The following KIAA1958 variants were observed in gnomAD, a reference collection of about 807,000 sequenced individuals.
KIAA1958 encodes the protein KIAA1958.
A neutral mutation model predicts 47.2 loss-of-function variants in KIAA1958; 14 were observed. The ratio of observed to expected loss-of-function variants is 0.30; its 90% CI spans 0.20 to 0.46. KIAA1958 has a LOEUF of 0.46. Ranked by LOEUF, KIAA1958 falls within the 20% of genes least tolerant of loss-of-function variation. The pLI, the probability that KIAA1958 is intolerant of heterozygous loss-of-function variation, is 1.00. For missense variants in KIAA1958, 803 were observed against 909.2 expected, an observed-to-expected ratio of 0.88 and a Z score of 1.50; for synonymous variants, 354 against 353.3, an observed-to-expected ratio of 1.00 and a Z score of -0.02.
chr9:112,554,305 C>G lies in KIAA1958; in HGVS notation c.-24-19752C>G, dbSNP rs966138284. Reference sequence around the variant, plus strand: ...ACGAGGTCAGGAGTTTGAGACCAGCCTGACTAACATGGTGAAACCCCATCT... The same window carrying G: ...ACGAGGTCAGGAGTTTGAGACCAGCGTGACTAACATGGTGAAACCCCATCT... On this transcript the variant is annotated intron_variant, in intron 1 of 3. Coordinates refer to ENST00000337530, the MANE Select transcript of KIAA1958 (RefSeq NM_133465.4). Among the ~76,000 whole-genome samples the G allele has an allele frequency of 4.6e-5, 7 of 152,178 alleles. No individual in the cohort carries two copies. The East Asian group carries it at 1.2e-3, about 25-fold the overall frequency.
At chr9:112,548,578 TGTTAC>T (rs1588012994) in intron 1 of KIAA1958, among the ~76,000 whole-genome samples, 1 of 152,188 alleles carries the variant, frequency 6.6e-6, no homozygotes, top group East Asian at 1.9e-4. Flanking sequence ...GCTATATTGT[TGTTAC>T]TTGTTTTGTT....
At chr9:112,656,283 A>C (rs1588055978) in intron 3 of KIAA1958, among the ~76,000 whole-genome samples, 1 of 146,346 alleles carries the variant, frequency 6.8e-6, no homozygotes, top group South Asian at 2.2e-4. Flanking sequence ...CTGAGGCAGG[A>C]GAATCACTTG....
chr9:112,645,564 T>C (rs1363804150), intron 2 of KIAA1958, 86 bp from the exon 3 acceptor site: 4 of 874,386 alleles, frequency 4.6e-6, no homozygotes, highest in Middle Eastern at 3.6e-4. Flanking sequence ...CTTTTAGAGT[T>C]TTCTGTTATT....
At chr9:112,581,114 AT>A (rs1310456025) in intron 2 of KIAA1958, among the ~76,000 whole-genome samples, 1 of 152,048 alleles carries the variant, frequency 6.6e-6, no homozygotes, top group Admixed American at 6.6e-5. Context: ...ATTTGAGTTT[AT>A]TCCTTACTCT....
chr9:112,545,723 C>T (rs2132829622), intron 1 of KIAA1958, among the ~76,000 whole-genome samples: 1 of 151,308 alleles, frequency 6.6e-6, no homozygotes, highest in African/African-American at 2.4e-5. Flanking sequence ...GTCTGGTTAG[C>T]ACTTTTGTTG....
chr9:112,637,978 G>A (rs1025804671), intron 2 of KIAA1958, among the ~76,000 whole-genome samples: 24 of 152,102 alleles, frequency 1.6e-4, no homozygotes, highest in Non-Finnish European at 1.5e-4. Flanking sequence ...GCGAAACCTC[G>A]TCTCTAATAA....
intron 1 of KIAA1958, among the ~76,000 whole-genome samples, chr9:112,543,994 G>A (rs921244430): frequency 2.6e-4 from 39 of 152,044 alleles, no homozygotes; most frequent in African/African-American, 8.9e-4. Context: ...CCTTTTATTT[G>A]TATTGCTATT....
At chr9:112,534,944 A>T (rs1834825870) in intron 1 of KIAA1958, among the ~76,000 whole-genome samples, 1 of 152,162 alleles carries the variant, frequency 6.6e-6, no homozygotes, top group Non-Finnish European at 1.5e-5. Flanking sequence ...TATTTTGTTT[A>T]TGTCTCTTGA....
intron 1 of KIAA1958, among the ~76,000 whole-genome samples, chr9:112,530,144 A>T (rs72762290): frequency 0.013 from 1,912 of 152,292 alleles, 21 homozygotes; most frequent in Middle Eastern, 0.034. Flanking sequence ...CATCCGGCCT[A>T]GACTCCACTT....
rs1488027603 is a variant in KIAA1958 at position 112,664,309 on chromosome 9, A to C, written c.*4240A>C. ...ATCATTTTTCTCAGTTTAGGCTAAC[A>C]CAGTCCACACCATTACCACTTAAAT... On this transcript the variant is annotated 3_prime_UTR_variant, in exon 4 of 4. Transcript: ENST00000337530. 1 of 152,278 alleles carries C rather than the reference A, an allele frequency of 6.6e-6. No homozygotes were observed. The highest frequency in any genetic ancestry group is 1.9e-4 in the East Asian group (1 of 5,206). 9.4% of individuals were successfully genotyped at this position (152,278 alleles called of 1,614,324 possible).
intron 1 of KIAA1958, among the ~76,000 whole-genome samples, chr9:112,537,179 C>T (rs1834869462): frequency 6.6e-6 from 1 of 151,766 alleles, no homozygotes; most frequent in Non-Finnish European, 1.5e-5. Context: ...AATCTTGGCT[C>T]CCTGGAACCT....
At chr9:112,617,170 A>T (rs889704698) in intron 2 of KIAA1958, among the ~76,000 whole-genome samples, 11 of 152,224 alleles carry the variant, frequency 7.2e-5, no homozygotes, top group African/African-American at 2.7e-4. Flanking sequence ...TTACATCTTG[A>T]CTATAATAGC....
intron 1 of KIAA1958, among the ~76,000 whole-genome samples, chr9:112,534,787 G>A (rs7025194): frequency 0.95 from 145,208 of 152,130 alleles, 69,374 homozygotes; most frequent in African/African-American, 0.99. Flanking sequence ...CAGGTGATCT[G>A]CCCGCCTCGG....
chr9:112,636,828 CA>C (rs1836813382), intron 2 of KIAA1958, among the ~76,000 whole-genome samples: 1 of 152,050 alleles, frequency 6.6e-6, no homozygotes, highest in African/African-American at 2.4e-5. Context: ...CCCAGCCTGA[CA>C]ACATTTATCT....
chr9:112,606,150 G>A (rs143797314), intron 2 of KIAA1958, among the ~76,000 whole-genome samples: 156 of 152,290 alleles, frequency 1.0e-3, no homozygotes, highest in Non-Finnish European at 1.9e-3. Context: ...AGGTATCAAG[G>A]ATGGTGTGCA....
intron 1 of KIAA1958, among the ~76,000 whole-genome samples, chr9:112,525,714 C>G (rs1395547142): frequency 6.6e-6 from 1 of 151,970 alleles, no homozygotes; most frequent in Non-Finnish European, 1.5e-5. Context: ...CATAATTTTA[C>G]TTTCTCTGAA....
intron 1 of KIAA1958, among the ~76,000 whole-genome samples, chr9:112,507,782 C>A (rs1834256683): frequency 6.6e-6 from 1 of 151,782 alleles, no homozygotes; most frequent in African/African-American, 2.4e-5. Flanking sequence ...TTCTTTCTTT[C>A]TTTCTTTTTC....
chr9:112,577,695 ATGAGGCAC>A (rs1196360551), intron 2 of KIAA1958, among the ~76,000 whole-genome samples: 1 of 151,788 alleles, frequency 6.6e-6, no homozygotes, highest in Non-Finnish European at 1.5e-5. Context: ...TGGATAGTAA[ATGAGGCAC>A]TGAGGCGCTT....
At position 112,487,228 on chromosome 9, in the gene KIAA1958, C is replaced by T. The variant is rs190321439; in HGVS notation, c.-25+110C>T. On this transcript the variant is annotated intron_variant, in intron 1 of 3. Transcript: ENST00000337530. ...CGCGCCGGGGTCGACTCTGCTTCCCCGTCAGCGGCCGCGCGGTGACCCGGC... is the reference window on the plus strand; with the variant it reads ...CGCGCCGGGGTCGACTCTGCTTCCCTGTCAGCGGCCGCGCGGTGACCCGGC... 773 of 174,186 alleles carry T rather than the reference C, an allele frequency of 4.4e-3. 3 individuals carry two copies. Among genetic ancestry groups the T allele is most frequent in the Middle Eastern group, 0.017 (8 of 470 alleles). 10.8% of individuals were successfully genotyped at this position (174,186 alleles called of 1,614,324 possible).
Sources: gnomAD v4.1 joint callset for allele counts (sites outside exome capture counted in the v4.1 genomes callset) on GRCh38, gnomAD v4.1.1 for gene constraint, MANE v1.5 for transcripts, NCBI Gene and HGNC (gene_info 2026-07-23, HGNC 2026-07-21) for gene names.